Variants in NAA11 observed in about 807,000 individuals in gnomAD.
The protein encoded by NAA11 is N-alpha-acetyltransferase 11, NatA catalytic subunit, also known as N-alpha-acetyltransferase 11.
Under a neutral mutation model 16.1 loss-of-function variants are expected in NAA11, and 15 were observed. That is an observed-to-expected ratio of 0.93 (90% CI 0.62 to 1.44). NAA11 has a LOEUF of 1.44. Ranked by LOEUF, NAA11 falls within the 40% of genes most tolerant of loss-of-function variation. NAA11 has a pLI of 0.00. For missense variants in NAA11, 298 were observed against 291.3 expected, an observed-to-expected ratio of 1.02 and a Z score of -0.17; for synonymous variants, 122 against 112.4, an observed-to-expected ratio of 1.09 and a Z score of -0.54.
chr4:79,264,736 A>G (rs1306042711), intron 2 of NAA11, among the ~76,000 whole-genome samples: 1 of 152,056 alleles, frequency 6.6e-6, no homozygotes, highest in Non-Finnish European at 1.5e-5. Flanking sequence ...ACTTCTTTTC[A>G]GTCTCATTTA....
chr4:79,185,361 T>C, the NAA11 span, among the ~76,000 whole-genome samples: 1 of 152,182 alleles, frequency 6.6e-6, no homozygotes, highest in African/African-American at 2.4e-5. Flanking sequence ...ATAATTCTCA[T>C]GCAGGAGTCA....
chr4:79,245,577 C>T (rs1226150782), intron 2 of NAA11: 4 of 151,316 alleles, frequency 2.6e-5, no homozygotes, highest in African/African-American at 7.5e-5. Context: ...AGGTGAGGAG[C>T]GTCTCTATCT....
intron 2 of NAA11, among the ~76,000 whole-genome samples, chr4:79,229,364 A>G (rs1395946967): frequency 6.8e-6 from 1 of 146,756 alleles, no homozygotes; most frequent in Non-Finnish European, 1.5e-5. Flanking sequence ...AAATAAATGA[A>G]GTTTATATAA....
chr4:79,182,141 T>TGTC, the NAA11 span, among the ~76,000 whole-genome samples: 12 of 152,318 alleles, frequency 7.9e-5, no homozygotes, highest in East Asian at 2.3e-3. Context: ...GTCATAGACC[T>TGTC]GTCGGTTTTT....
intron 2 of NAA11, among the ~76,000 whole-genome samples, chr4:79,242,603 T>G (rs985794685): frequency 1.3e-5 from 2 of 152,238 alleles, no homozygotes; most frequent in Non-Finnish European, 2.9e-5. Context: ...GTTAATTCTG[T>G]TCATAATCTT....
the NAA11 span, chr4:79,211,612 C>T: frequency 3.7e-3 from 570 of 152,238 alleles, 3 homozygotes; most frequent in Non-Finnish European, 6.0e-3. Context: ...TTCTGTTCTC[C>T]TCCCTATTCC....
At chr4:79,186,354 G>A in the NAA11 span, among the ~76,000 whole-genome samples, 1 of 152,154 alleles carries the variant, frequency 6.6e-6, no homozygotes, top group African/African-American at 2.4e-5. Flanking sequence ...GGAATTCGAA[G>A]CTGTTGGCAA....
At chr4:79,250,229 A>G (rs1721962101) in intron 2 of NAA11, among the ~76,000 whole-genome samples, 1 of 152,246 alleles carries the variant, frequency 6.6e-6, no homozygotes, top group Non-Finnish European at 1.5e-5. Context: ...GAGTTTTTGC[A>G]AACTCCGGCC....
intron 2 of NAA11, among the ~76,000 whole-genome samples, chr4:79,279,778 A>G (rs1164782237): frequency 1.3e-5 from 2 of 152,116 alleles, no homozygotes; most frequent in African/African-American, 4.8e-5. Context: ...ACTGTTTTCT[A>G]AAGTGTTAGC....
At chr4:79,235,153 C>G (rs1287994107) in intron 2 of NAA11, among the ~76,000 whole-genome samples, 1 of 152,082 alleles carries the variant, frequency 6.6e-6, no homozygotes, top group African/African-American at 2.4e-5. Context: ...AAGCCATGAG[C>G]AGGTTCCAAT....
At chr4:79,211,017 T>C in the NAA11 span, among the ~76,000 whole-genome samples, 1 of 152,232 alleles carries the variant, frequency 6.6e-6, no homozygotes, top group African/African-American at 2.4e-5. Flanking sequence ...TGTCATCTTT[T>C]TGTTTGCTCA....
the NAA11 span, among the ~76,000 whole-genome samples, chr4:79,200,793 G>C: frequency 6.6e-6 from 1 of 151,768 alleles, no homozygotes; most frequent in Non-Finnish European, 1.5e-5. Context: ...GCAACTCACA[G>C]TGAAATCCTG....
At chr4:79,269,631 A>G (rs888168374) in intron 2 of NAA11, among the ~76,000 whole-genome samples, 1 of 147,558 alleles carries the variant, frequency 6.8e-6, no homozygotes, top group African/African-American at 2.5e-5. Flanking sequence ...GGTTGTGAAA[A>G]TTTTCTCCCA....
At chr4:79,312,962 T>C (rs1272377100), downstream of NAA11, among the ~76,000 whole-genome samples, 1 of 152,244 alleles carries the variant, frequency 6.6e-6, no homozygotes, top group Non-Finnish European at 1.5e-5. Context: ...GTAACTTTTA[T>C]TGAGTCTTTT....
rs780657164 is a variant in NAA11, at chr4:79,317,359, A to G, written c.*445T>C. The G allele has an allele frequency of 6.6e-6, 1 of 152,222 alleles. No homozygotes were observed. The highest frequency in any genetic ancestry group is 1.5e-5 in the Non-Finnish European group (1 of 68,060). The allele number at this position is 152,222 out of a possible 1,614,324, so 9.4% of individuals were successfully genotyped here. ...GAGGTCTGACTTCATGGTCCTGACT[A>G]CTTCACCTCCTCAAGGATGAAAACT... On this transcript the variant is annotated 3_prime_UTR_variant, in exon 2 of 2. Transcript: ENST00000286794.
the NAA11 span, among the ~76,000 whole-genome samples, chr4:79,160,475 C>T: frequency 6.6e-6 from 1 of 152,186 alleles, no homozygotes; most frequent in Non-Finnish European, 1.5e-5. Context: ...TTTTCCACCG[C>T]CAGTAGTGCA....
At chr4:79,169,736 T>G in the NAA11 span, among the ~76,000 whole-genome samples, 1 of 152,150 alleles carries the variant, frequency 6.6e-6, no homozygotes, top group Non-Finnish European at 1.5e-5. Context: ...AAATGCTACA[T>G]GCTTTTAAAC....
At chr4:79,222,468 C>T (rs1721213329), downstream of NAA11, among the ~76,000 whole-genome samples, 2 of 150,600 alleles carry the variant, frequency 1.3e-5, no homozygotes, top group Admixed American at 6.7e-5. Flanking sequence ...TGGATCCCTT[C>T]CTTACACCTT....
the NAA11 span, among the ~76,000 whole-genome samples, chr4:79,171,332 T>C: frequency 6.6e-6 from 1 of 152,156 alleles, no homozygotes; most frequent in South Asian, 2.1e-4. Flanking sequence ...TTTCTCTCCA[T>C]GTCATGTTTA....
Sources: allele counts gnomAD v4.1 joint callset (sites outside exome capture counted in the v4.1 genomes callset), GRCh38; gene constraint gnomAD v4.1.1; transcripts MANE v1.5; gene names NCBI Gene and HGNC (gene_info 2026-07-23, HGNC 2026-07-21).